Variants in LURAP1L observed in about 807,000 individuals in gnomAD.
LURAP1L encodes the protein leucine rich adaptor protein 1 like.
In LURAP1L, 12 loss-of-function variants were observed where a neutral mutation model predicts 13.8. The observed-to-expected ratio is 0.87, with a 90% CI of 0.56 to 1.41. The LOEUF is 1.41. Among genes scored for constraint, LURAP1L ranks in the 40% most tolerant of loss-of-function variants. The pLI is 0.00. For synonymous variants in LURAP1L, 139 were observed against 119.2 expected (o/e 1.17, Z -1.08); for missense variants, 375 against 292.9 (o/e 1.28, Z -2.04).
chr9:12,799,668 C>G (rs1376306729), intron 1 of LURAP1L, among the ~76,000 whole-genome samples: 1 of 152,070 alleles, frequency 6.6e-6, no homozygotes, highest in African/African-American at 2.4e-5. Context: ...ATCACGAGGT[C>G]AGGAGATCGA....
At chr9:12,786,661 T>A (rs138805343) in intron 1 of LURAP1L, among the ~76,000 whole-genome samples, 2,671 of 148,970 alleles carry the variant, frequency 0.018, 84 homozygotes, top group African/African-American at 0.063. Flanking sequence ...AATTTGCTCA[T>A]CTGGGATGCT....
At position 12,775,878 on chromosome 9, in the gene LURAP1L, G is replaced by GGCGGCGGCT. The variant is rs769345710; in HGVS notation, c.165_166insGGCGGCTGC (p.Gly55_Cys56insGlyGlyCys). 5 of 1,574,850 alleles carry GGCGGCGGCT rather than the reference G, an allele frequency of 3.2e-6. No individual in the cohort carries two copies. The highest frequency in any genetic ancestry group is 1.1e-5 in the South Asian group (1 of 88,086). On this transcript the variant is annotated inframe_insertion, in exon 1 of 2. Coordinates refer to ENST00000319264, the MANE Select transcript of LURAP1L (RefSeq NM_203403.2). ...CGGTGGTGGTGGCGGCGGCGGCGGCGGCTGCAGTAGCAGCAGCAGCTACTG... is the reference window on the plus strand; with the variant it reads ...CGGTGGTGGTGGCGGCGGCGGCGGCGGCGGCGGCTGCTGCAGTAGCAGCAGCAGCTACTG...
chr9:12,809,359 T>C (rs1335541569), intron 1 of LURAP1L, among the ~76,000 whole-genome samples: 2 of 152,200 alleles, frequency 1.3e-5, no homozygotes, highest in African/African-American at 4.8e-5. Context: ...GGAGTTTCTG[T>C]GGACTCATCT....
At chr9:12,810,144 C>T (rs1390138665) in intron 1 of LURAP1L, among the ~76,000 whole-genome samples, 1 of 152,160 alleles carries the variant, frequency 6.6e-6, no homozygotes, top group Non-Finnish European at 1.5e-5. Context: ...TCAGAGCTTT[C>T]CTCTCCCTGC....
intron 1 of LURAP1L, among the ~76,000 whole-genome samples, chr9:12,791,663 T>A (rs1460896974): frequency 6.7e-6 from 1 of 150,326 alleles, no homozygotes; most frequent in African/African-American, 2.5e-5. Context: ...TCTCCTTCTC[T>A]CTCTCTCCTG....
At chr9:12,820,768 T>C (rs1819868248) in intron 1 of LURAP1L, among the ~76,000 whole-genome samples, 1 of 152,218 alleles carries the variant, frequency 6.6e-6, no homozygotes, top group Non-Finnish European at 1.5e-5. Context: ...TCTATGTTGA[T>C]ATAGTCATAA....
chr9:12,796,740 A>T (rs1042285709), intron 1 of LURAP1L, among the ~76,000 whole-genome samples: 9 of 152,030 alleles, frequency 5.9e-5, no homozygotes, highest in African/African-American at 2.2e-4. Flanking sequence ...GAGCTCTCAC[A>T]TAGAGGCAAA....
At chr9:12,788,691 A>T (rs1404827691) in intron 1 of LURAP1L, among the ~76,000 whole-genome samples, 1 of 152,066 alleles carries the variant, frequency 6.6e-6, no homozygotes, top group African/African-American at 2.4e-5. Flanking sequence ...AGCATAGAAC[A>T]AAAAGCTCGA....
At chr9:12,804,216 T>G (rs923360334) in intron 1 of LURAP1L, among the ~76,000 whole-genome samples, 1 of 152,170 alleles carries the variant, frequency 6.6e-6, no homozygotes, top group Admixed American at 6.5e-5. Context: ...GATGGAAACT[T>G]TTGTCACAGC....
At chr9:12,812,626 T>G (rs1391781753) in intron 1 of LURAP1L, among the ~76,000 whole-genome samples, 11 of 152,250 alleles carry the variant, frequency 7.2e-5, no homozygotes, top group African/African-American at 2.6e-4. Flanking sequence ...GGCAAACAGA[T>G]TTAATTATAG....
At chr9:12,817,225 T>C (rs918119381) in intron 1 of LURAP1L, among the ~76,000 whole-genome samples, 10 of 150,104 alleles carry the variant, frequency 6.7e-5, no homozygotes, top group Non-Finnish European at 1.5e-4. Context: ...ACTTTTTTTT[T>C]CCCTCTCAAG....
At chr9:12,811,267 T>G (rs1475010377) in intron 1 of LURAP1L, among the ~76,000 whole-genome samples, 1 of 152,222 alleles carries the variant, frequency 6.6e-6, no homozygotes, top group African/African-American at 2.4e-5. Context: ...CATTTTAAGC[T>G]CTTTAAATTA....
chr9:12,803,314 T>C (rs1240396959), intron 1 of LURAP1L, among the ~76,000 whole-genome samples: 4 of 152,222 alleles, frequency 2.6e-5, no homozygotes, highest in African/African-American at 9.6e-5. Flanking sequence ...TTGAAGATGA[T>C]CCTCAATATT....
In LURAP1L at chr9:12,821,766, G is replaced by GT. The variant is rs765343341; in HGVS notation, c.*12dup. On this transcript the variant is annotated 3_prime_UTR_variant, in exon 2 of 2. Transcript: ENST00000319264. The stretch of plus-strand genomic sequence containing the variant: ...AATACTACTGCTTTGGCTAGTGACA[G>GT]TTTTTTGCATGGGACTGGTGTGCAA... 6 of 1,605,532 alleles carry GT rather than the reference G, an allele frequency of 3.7e-6. No homozygotes were observed. The highest frequency in any genetic ancestry group is 2.2e-5 in the South Asian group (2 of 90,906).
intron 1 of LURAP1L, among the ~76,000 whole-genome samples, chr9:12,803,580 G>T (rs1819616096): frequency 6.6e-6 from 1 of 152,110 alleles, no homozygotes; most frequent in Non-Finnish European, 1.5e-5. Context: ...ATATAAACAT[G>T]ATAAATTACA....
chr9:12,821,908 C>T lies in LURAP1L; in HGVS notation c.*148C>T. 1.2e-6 allele frequency: 1 copy of T among 833,978 alleles called. No homozygotes were observed. The highest frequency in any genetic ancestry group is 1.9e-5 in the South Asian group (1 of 53,230). 51.7% of individuals were successfully genotyped at this position (833,978 alleles called of 1,614,324 possible). A position where few individuals can be genotyped will look rare whatever the true frequency, so the allele number is the denominator to read the frequency against. On this transcript the variant is annotated 3_prime_UTR_variant, in exon 2 of 2. Coordinates refer to ENST00000319264, the MANE Select transcript of LURAP1L (RefSeq NM_203403.2). ...AAACTGCTTAATGGTATTGCTGTTG[C>T]TCCTAATACTTCTCATCTGAGCTGA...
At chr9:12,815,346 C>G (rs1819790460) in intron 1 of LURAP1L, among the ~76,000 whole-genome samples, 1 of 152,144 alleles carries the variant, frequency 6.6e-6, no homozygotes, top group Admixed American at 6.6e-5. Context: ...TTTATATAGA[C>G]TTTTAAAAAT....
chr9:12,817,989 A>G (rs1853327841), intron 1 of LURAP1L, among the ~76,000 whole-genome samples: 2 of 151,818 alleles, frequency 1.3e-5, no homozygotes, highest in South Asian at 4.1e-4. Context: ...GAAGCTGTTT[A>G]CTCTCTCCCG....
chr9:12,818,279 A>G (rs192673513), intron 1 of LURAP1L, among the ~76,000 whole-genome samples: 18 of 152,334 alleles, frequency 1.2e-4, no homozygotes, highest in African/African-American at 4.3e-4. Context: ...TGTGTAAGTC[A>G]GAGAAAAATT....
Sources: allele counts gnomAD v4.1 joint callset (sites outside exome capture counted in the v4.1 genomes callset), GRCh38; gene constraint gnomAD v4.1.1; transcripts MANE v1.5; gene names NCBI Gene and HGNC (gene_info 2026-07-23, HGNC 2026-07-21).